The following FAM20C variants were observed in gnomAD, a reference collection of about 807,000 sequenced individuals.
FAM20C encodes FAM20C golgi associated secretory pathway kinase.
In FAM20C, 40 loss-of-function variants were observed where a neutral mutation model predicts 51.5. The observed-to-expected ratio is 0.78, with a 90% CI of 0.60 to 1.01. The LOEUF is 1.01. Among genes scored for constraint, FAM20C ranks in the 50% least tolerant of loss-of-function variants. The pLI, the probability that FAM20C is intolerant of heterozygous loss-of-function variation, is 0.00. For missense variants in FAM20C, 861 were observed against 844.7 expected (o/e 1.02, Z -0.24); for synonymous variants, 406 against 380.6 (o/e 1.07, Z -0.78).
intron 3 of FAM20C, among the ~76,000 whole-genome samples, chr7:209,815 C>T (rs1448664857): frequency 6.6e-6 from 1 of 152,258 alleles, no homozygotes; most frequent in African/African-American, 2.4e-5. Context: ...AGAAGCTCTT[C>T]ATATACTTTG....
rs1423754911 is a variant in FAM20C at position 248,515 on chromosome 7, G to A, written c.1072+85G>A. On this transcript the variant is annotated intron_variant, in intron 5 of 9. Transcript: ENST00000313766. The stretch of plus-strand genomic sequence containing the variant: ...TTCATCTCTCCAGGTAGCCTGGCAC[G>A]GGGAGCCCACATTCATCTCGCCAGG... The A allele has an allele frequency of 1.4e-5, 14 of 1,024,214 alleles. No homozygotes were observed. In the East Asian group the frequency reaches 1.9e-4, roughly 14 times the overall value. The allele number at this position is 1,024,214 out of a possible 1,614,324, so 63.4% of individuals were successfully genotyped here. A position where few individuals can be genotyped will look rare whatever the true frequency, so the allele number is the denominator to read the frequency against.
At chr7:245,275 G>C (rs529764028) in intron 3 of FAM20C, among the ~76,000 whole-genome samples, 1 of 149,338 alleles carries the variant, frequency 6.7e-6, no homozygotes, top group South Asian at 2.1e-4. Context: ...GCTGCAGGGC[G>C]TGCGAGCTGG....
chr7:234,099 G>C (rs1267473288), intron 3 of FAM20C, among the ~76,000 whole-genome samples: 2 of 152,218 alleles, frequency 1.3e-5, no homozygotes, highest in African/African-American at 4.8e-5. Context: ...TGCCCTTTGA[G>C]GCCCAGGGAG....
intron 2 of FAM20C, 96 bp from the exon 3 acceptor site, chr7:208,802 G>A: frequency 7.7e-7 from 1 of 1,293,664 alleles, no homozygotes; most frequent in Non-Finnish European, 1.1e-6. Flanking sequence ...ACCATGCCCA[G>A]AGGACCCGGA....
intron 3 of FAM20C, among the ~76,000 whole-genome samples, chr7:237,326 G>A (rs981452681): frequency 1.2e-3 from 189 of 152,338 alleles, no homozygotes; most frequent in Non-Finnish European, 1.3e-3. Flanking sequence ...GACAAAGGCC[G>A]AATCATCGGC....
intron 3 of FAM20C, among the ~76,000 whole-genome samples, chr7:223,699 C>G (rs758866101): frequency 2.0e-5 from 3 of 152,236 alleles, no homozygotes; most frequent in Admixed American, 2.0e-4. Context: ...GGGGCCCTTA[C>G]GCGGATGCCG....
rs1018657545 is a variant in FAM20C at position 235,016 on chromosome 7, C to T, written c.864-11399C>T. ...CCACAGTCATGCCAGGAATGGGCCC[C>T]GGGCCACTTGCTTCTCGGAAGTTCC... is the stretch of plus-strand genomic sequence containing the variant. On this transcript the variant is annotated intron_variant, in intron 3 of 9. Transcript: ENST00000313766. 2.9e-3 allele frequency among the ~76,000 whole-genome samples: 444 copies of T among 152,188 alleles called. 11 individuals carry two copies. The East Asian group carries it at 0.08, about 28-fold the overall frequency.
intron 2 of FAM20C, among the ~76,000 whole-genome samples, chr7:202,295 G>A (rs1014184413): frequency 6.7e-5 from 10 of 149,744 alleles, no homozygotes; most frequent in Non-Finnish European, 1.5e-4. Context: ...GATTGTACTG[G>A]GGAATGGGGG....
intron 2 of FAM20C, among the ~76,000 whole-genome samples, chr7:207,526 T>C (rs1786481715): frequency 1.3e-5 from 2 of 152,162 alleles, no homozygotes; most frequent in South Asian, 4.1e-4. Context: ...GGGAGGCTGC[T>C]CCTGAGCTGC....
intron 3 of FAM20C, among the ~76,000 whole-genome samples, chr7:219,857 G>A (rs2115094364): frequency 6.6e-6 from 1 of 152,352 alleles, no homozygotes; most frequent in Non-Finnish European, 1.5e-5. Context: ...CTGTTCTGCT[G>A]ATAAAAATTC....
intron 3 of FAM20C, among the ~76,000 whole-genome samples, chr7:240,582 T>C (rs1312941946): frequency 1.3e-5 from 2 of 151,972 alleles, no homozygotes; most frequent in Non-Finnish European, 2.9e-5. Context: ...AGGAATGAGG[T>C]GGCAAGAGCT....
At chr7:241,165 T>A (rs1164740964) in intron 3 of FAM20C, among the ~76,000 whole-genome samples, 1 of 151,594 alleles carries the variant, frequency 6.6e-6, no homozygotes, top group Non-Finnish European at 1.5e-5. Context: ...TTCCTCCTGC[T>A]GGGGTCACCT....
At chr7:207,006 C>G (rs1411309683) in intron 2 of FAM20C, among the ~76,000 whole-genome samples, 1 of 51,988 alleles carries the variant, frequency 1.9e-5, no homozygotes, top group Non-Finnish European at 3.7e-5. Flanking sequence ...CGGTCACTGT[C>G]CCCTCGGCCC....
Position 248,454 on chromosome 7 carries a change from T to C in FAM20C, c.1072+24T>C, listed in dbSNP as rs562650430. The C allele has an allele frequency of 5.2e-4, 787 of 1,509,534 alleles. 3 individuals carry two copies. The highest frequency in any genetic ancestry group is 6.3e-4 in the Non-Finnish European group (702 of 1,122,980). The allele number at this position is 1,509,534 out of a possible 1,614,324, so 93.5% of individuals were successfully genotyped here. A position where few individuals can be genotyped will look rare whatever the true frequency, so the allele number is the denominator to read the frequency against. ...AGGTAGCCTGGCACGGGGGCCCGCA[T>C]TCATCTCTCCAGGTAGCCTGGCACG... is the stretch of plus-strand genomic sequence containing the variant. On this transcript the variant is annotated intron_variant, in intron 5 of 9. Coordinates refer to ENST00000313766, the MANE Select transcript of FAM20C (RefSeq NM_020223.4).
chr7:226,339 G>C (rs962728392), intron 3 of FAM20C, among the ~76,000 whole-genome samples: 2 of 152,162 alleles, frequency 1.3e-5, no homozygotes, highest in African/African-American at 2.4e-5. Context: ...CACAGTGCAG[G>C]GGGTGGAAGG....
At chr7:193,860 G>C in intron 1 of FAM20C, 56 bp downstream of exon 1, 1 of 1,513,866 alleles carries the variant, frequency 6.6e-7, no homozygotes, top group Non-Finnish European at 8.9e-7. Context: ...CCAAGGCATG[G>C]TGTAGAGAGG....
At chr7:237,573 T>A (rs1186070424) in intron 3 of FAM20C, among the ~76,000 whole-genome samples, 2 of 151,516 alleles carry the variant, frequency 1.3e-5, no homozygotes, top group African/African-American at 4.9e-5. Flanking sequence ...ATGGTAGGAG[T>A]GGTGGTGATA....
chr7:202,974 T>C (rs1464536349), intron 2 of FAM20C, among the ~76,000 whole-genome samples: 2 of 152,170 alleles, frequency 1.3e-5, no homozygotes, highest in Non-Finnish European at 1.5e-5. Flanking sequence ...TGGGGTTTGA[T>C]TGTGCTGTTG....
At chr7:243,749 GGGAGACCTGTGCCACCCA>G (rs1306558698) in intron 3 of FAM20C, among the ~76,000 whole-genome samples, 2 of 141,944 alleles carry the variant, frequency 1.4e-5, no homozygotes, top group Admixed American at 7.0e-5. Flanking sequence ...TGTGCCACCC[GGGAGACCTGTGCCACCCA>G]GGAGACCTGG....
Sources: allele counts gnomAD v4.1 joint callset (sites outside exome capture counted in the v4.1 genomes callset), GRCh38; gene constraint gnomAD v4.1.1; transcripts MANE v1.5; gene names NCBI Gene and HGNC (gene_info 2026-07-23, HGNC 2026-07-21).